The following CELF2 variants were observed in gnomAD, a reference collection of about 807,000 sequenced individuals.
CELF2 encodes the protein CUG triplet repeat RNA-binding protein 2.
In CELF2, 8 loss-of-function variants were observed where a neutral mutation model predicts 62.6. That is an observed-to-expected ratio of 0.13 (90% confidence interval 0.07 to 0.23). CELF2 has a LOEUF of 0.23. Among genes scored for constraint, CELF2 ranks in the 10% least tolerant of loss-of-function variants. The pLI is 1.00. For synonymous variants in CELF2, 258 were observed against 250.0 expected (o/e 1.03, Z -0.30); for missense variants, 333 against 671.0 (o/e 0.50, Z 5.56).
chr10:10,661,600 G>A, the CELF2 span, among the ~76,000 whole-genome samples: 1 of 152,184 alleles, frequency 6.6e-6, no homozygotes, highest in African/African-American at 2.4e-5. Flanking sequence ...AACAAATGAG[G>A]TATATTCCTT....
chr10:10,724,933 C>T, the CELF2 span, among the ~76,000 whole-genome samples: 3 of 146,934 alleles, frequency 2.0e-5, no homozygotes, highest in Admixed American at 2.1e-4. Flanking sequence ...CTGAAGGGGG[C>T]ATGATTTTTA....
intron 8 of CELF2, among the ~76,000 whole-genome samples, chr10:11,283,450 A>T (rs144667681): frequency 6.6e-6 from 1 of 152,126 alleles, no homozygotes; most frequent in Non-Finnish European, 1.5e-5. Context: ...GGTTGGATGG[A>T]TGGATGATGG....
chr10:11,280,066 C>T lies in CELF2; in HGVS notation c.841+4946C>T, dbSNP rs1388702965. Among the ~76,000 whole-genome samples, 2 of 152,166 alleles carry T rather than the reference C, an allele frequency of 1.3e-5. No individual in the cohort carries two copies. Among genetic ancestry groups the T allele is most frequent in the Admixed American group, 1.3e-4 (2 of 15,274 alleles). On this transcript the variant is annotated intron_variant, in intron 8 of 12. Transcript: ENST00000633077. The surrounding 1 kb of genome is among the most constrained non-coding windows in gnomAD (Gnocchi z 7.6). ...CGCCCTTGCCTCTCGGTCTGGTGCC[C>T]TTTCAGGATGAGCGTGTGGGATAAA...
chr10:10,737,697 G>A, the CELF2 span, among the ~76,000 whole-genome samples: 1 of 151,642 alleles, frequency 6.6e-6, no homozygotes, highest in Admixed American at 6.6e-5. Flanking sequence ...CCACCTTCTG[G>A]GTTTCCTCAC....
the CELF2 span, among the ~76,000 whole-genome samples, chr10:10,684,692 C>T: frequency 3.3e-5 from 5 of 152,118 alleles, no homozygotes; most frequent in East Asian, 1.9e-4. Context: ...TGCAGTGAGT[C>T]GAGATTACAT....
chr10:10,538,150 G>T, the CELF2 span, among the ~76,000 whole-genome samples: 649 of 152,280 alleles, frequency 4.3e-3, 4 homozygotes, highest in African/African-American at 0.014. Flanking sequence ...TAGTAGGGGT[G>T]CCCTGACAAA....
At chr10:10,735,315 A>T in the CELF2 span, among the ~76,000 whole-genome samples, 5 of 152,230 alleles carry the variant, frequency 3.3e-5, no homozygotes, top group African/African-American at 1.2e-4. Context: ...TCTGCATTTC[A>T]CTTTACAGTC....
At chr10:10,961,128 G>A (rs2049454785) in intron 2 of CELF2, among the ~76,000 whole-genome samples, 1 of 152,126 alleles carries the variant, frequency 6.6e-6, no homozygotes, top group South Asian at 2.1e-4. Context: ...ATTTGAAATT[G>A]GAAGGCATCT....
chr10:10,979,709 T>G (rs1031743570), intron 2 of CELF2, among the ~76,000 whole-genome samples: 3 of 150,902 alleles, frequency 2.0e-5, no homozygotes, highest in Admixed American at 6.6e-5. Context: ...TCCATTGGCT[T>G]ATAACCTCAC....
At chr10:10,512,550 T>G in the CELF2 span, among the ~76,000 whole-genome samples, 4 of 151,834 alleles carry the variant, frequency 2.6e-5, no homozygotes, top group Admixed American at 6.6e-5. Context: ...CTCCTGAGAT[T>G]ACAGGCATGC....
chr10:11,155,199 A>G (rs769776542), intron 1 of CELF2, among the ~76,000 whole-genome samples: 5 of 152,236 alleles, frequency 3.3e-5, no homozygotes, highest in Non-Finnish European at 5.9e-5. Flanking sequence ...CTCCTTAAGC[A>G]GAATTTATTG....
In CELF2 at chr10:11,178,666, C is replaced by T. The variant is rs899303649; in HGVS notation, c.271+12984C>T. Reference sequence around the variant, plus strand: ...CTTAAGAGGCGAAAAGAAGAGTCTTCGTCAAATGGCAGAGTTTGATTGTTT... The same window carrying T: ...CTTAAGAGGCGAAAAGAAGAGTCTTTGTCAAATGGCAGAGTTTGATTGTTT... On this transcript the variant is annotated intron_variant, in intron 2 of 12. Transcript: ENST00000633077. The surrounding 1 kb of genome is among the most constrained non-coding windows in gnomAD (Gnocchi z 4.3). Among the ~76,000 whole-genome samples the T allele has an allele frequency of 7.2e-5, 11 of 152,298 alleles. No homozygotes were observed. The highest frequency in any genetic ancestry group is 1.0e-4 in the Non-Finnish European group (7 of 68,022).
chr10:11,163,936 G>GT, intron 1 of CELF2, among the ~76,000 whole-genome samples: 1 of 152,340 alleles, frequency 6.6e-6, no homozygotes, highest in East Asian at 1.9e-4. Context: ...TTTGTCTGGT[G>GT]TTTCATTTTA....
chr10:11,195,720 G>T (rs1223832861), intron 2 of CELF2, among the ~76,000 whole-genome samples: 1 of 152,236 alleles, frequency 6.6e-6, no homozygotes, highest in Non-Finnish European at 1.5e-5. Context: ...CAGCCACTAA[G>T]AGAGTCAAGG....
At chr10:11,160,627 G>A (rs149507367) in intron 1 of CELF2, among the ~76,000 whole-genome samples, 2,774 of 139,696 alleles carry the variant, frequency 0.02, 44 homozygotes, top group Non-Finnish European at 0.03. Context: ...TAGCACTGAC[G>A]TGGATTATCC....
At chr10:11,275,174 G>C in intron 8 of CELF2, 54 bp downstream of exon 8, 1 of 1,576,516 alleles carries the variant, frequency 6.3e-7, no homozygotes, top group Non-Finnish European at 8.7e-7. Flanking sequence ...AGAATTTGGG[G>C]TTGGTTCCGA....
chr10:10,809,275 C>A (rs545541273), intron 1 of CELF2, among the ~76,000 whole-genome samples: 1 of 152,272 alleles, frequency 6.6e-6, no homozygotes, highest in Admixed American at 6.5e-5. Flanking sequence ...AGGAAGAAAG[C>A]CCTCATTAGA....
upstream of CELF2, among the ~76,000 whole-genome samples, chr10:10,797,391 AGAG>A (rs1287266917): frequency 6.6e-6 from 1 of 151,620 alleles, no homozygotes; most frequent in Non-Finnish European, 1.5e-5. Flanking sequence ...TTTGCAACAA[AGAG>A]AAAAAAAAAA....
At chr10:10,853,438 A>G (rs2059512936) in intron 1 of CELF2, among the ~76,000 whole-genome samples, 1 of 152,114 alleles carries the variant, frequency 6.6e-6, no homozygotes, top group Non-Finnish European at 1.5e-5. Flanking sequence ...TGGGGAATTC[A>G]GAGAATCCAC....
Sources: gnomAD v4.1 joint callset for allele counts (sites outside exome capture counted in the v4.1 genomes callset) on GRCh38, gnomAD v4.1.1 for gene constraint, Gnocchi (gnomAD v3.1) non-coding constraint, MANE v1.5 for transcripts, NCBI Gene and HGNC (gene_info 2026-07-23, HGNC 2026-07-21) for gene names.